The following CRACDL variants were observed in gnomAD, a reference collection of about 807,000 sequenced individuals.
CRACDL encodes CRACD-like protein.
A neutral mutation model predicts 70.6 loss-of-function variants in CRACDL; 26 were observed. The observed-to-expected ratio is 0.37, with a 90% confidence interval of 0.27 to 0.51. The LOEUF is 0.51. CRACDL is among the 20% of genes least tolerant of loss of function. CRACDL has a pLI of 0.94. For synonymous variants in CRACDL, 618 were observed against 615.2 expected, an observed-to-expected ratio of 1.00 and a Z score of -0.07; for missense variants, 1,283 against 1,376.9, an observed-to-expected ratio of 0.93 and a Z score of 1.08.
intron 1 of CRACDL, among the ~76,000 whole-genome samples, chr2:98,931,790 T>G (rs1709085928): frequency 6.6e-6 from 1 of 152,204 alleles, no homozygotes; most frequent in East Asian, 1.9e-4. Context: ...GAAAAGCTGG[T>G]GGCTGACGCT....
Position 98,854,408 on chromosome 2 carries a change from C to A in CRACDL, c.-10-7598G>T, listed in dbSNP as rs1370992496. 2.0e-5 allele frequency among the ~76,000 whole-genome samples: 3 copies of A among 150,564 alleles called. No individual in the cohort carries two copies. In the East Asian group the frequency reaches 5.9e-4, roughly 29 times the overall value. ...AAATCATCAGAACCTATCTACTTGA[C>A]CTTGAGATAAGCAAAGATGTCTTAC... is the stretch of plus-strand genomic sequence containing the variant. On this transcript the variant is annotated intron_variant, in intron 1 of 9. Coordinates refer to ENST00000397899, the MANE Select transcript of CRACDL (RefSeq NM_207362.3).
chr2:98,820,396 G>T (rs1159833214), intron 7 of CRACDL, among the ~76,000 whole-genome samples: 2 of 151,826 alleles, frequency 1.3e-5, no homozygotes, highest in Non-Finnish European at 2.9e-5. Context: ...GCCGGGTGTA[G>T]TATCGTGTGT....
intron 1 of CRACDL, among the ~76,000 whole-genome samples, chr2:98,884,083 C>G (rs1251289971): frequency 1.3e-5 from 2 of 152,168 alleles, no homozygotes; most frequent in African/African-American, 4.8e-5. Context: ...CCCACAGGTG[C>G]CCCACCCACC....
At chr2:98,818,409 G>A (rs2280142) in intron 7 of CRACDL, among the ~76,000 whole-genome samples, 52,145 of 152,036 alleles carry the variant, frequency 0.34, 9,318 homozygotes, top group African/African-American at 0.43. Flanking sequence ...TGGAAGAGAG[G>A]AGGAGGAATA....
chr2:98,860,126 A>G (rs1460368958), intron 1 of CRACDL, among the ~76,000 whole-genome samples: 2 of 152,180 alleles, frequency 1.3e-5, no homozygotes, highest in African/African-American at 4.8e-5. Context: ...ACTGAAAATA[A>G]CAACGTTGAA....
chr2:98,823,241 G>T lies in CRACDL; in HGVS notation c.1032C>A (p.Pro344=). Residue 344 remains proline, a synonymous_variant, in exon 7 of 10, where the codon CCC becomes CCA. Transcript: ENST00000397899. This position sits in a 1 kb window ranked among gnomAD's most constrained non-coding sequence, Gnocchi z 4.0. The stretch of plus-strand genomic sequence containing the variant: ...CCACGCGGAGAGTGGGGGCCGACTC[G>T]GGCTCGGCGAGCTCCGGGGTGGCCG... The part of the protein sequence containing the change: ...SRPATPELAE[P]ESAPTLRVEP... 7.1e-7 allele frequency: 1 copy of T among 1,403,452 alleles called. No homozygotes were observed. The highest frequency in any genetic ancestry group is 9.2e-7 in the Non-Finnish European group (1 of 1,086,158). The allele number at this position is 1,403,452 out of a possible 1,614,324, so 86.9% of individuals were successfully genotyped here.
chr2:98,873,816 G>A (rs185493755), intron 1 of CRACDL, among the ~76,000 whole-genome samples: 61 of 152,292 alleles, frequency 4.0e-4, no homozygotes, highest in African/African-American at 1.4e-3. Context: ...GACCAGCCTG[G>A]CCAACATGGA....
chr2:98,881,280 C>T (rs72813016), intron 1 of CRACDL, among the ~76,000 whole-genome samples: 5,494 of 152,318 alleles, frequency 0.036, 131 homozygotes, highest in Middle Eastern at 0.065. Context: ...TGGGGCCCAG[C>T]GGCCTCAGCC....
chr2:98,827,445 C>T (rs546017384), intron 5 of CRACDL, among the ~76,000 whole-genome samples: 5 of 152,308 alleles, frequency 3.3e-5, no homozygotes, highest in Admixed American at 3.3e-4. Flanking sequence ...GCACCTGCCA[C>T]CACACCCAGC....
intron 1 of CRACDL, among the ~76,000 whole-genome samples, chr2:98,891,062 T>TAAAA (rs1293096577): frequency 6.7e-6 from 1 of 148,840 alleles, no homozygotes; most frequent in African/African-American, 2.5e-5. Flanking sequence ...CAAAAATAAA[T>TAAAA]AAATAAATAA....
chr2:98,914,658 G>A (rs1221700106), intron 1 of CRACDL, among the ~76,000 whole-genome samples: 1 of 152,170 alleles, frequency 6.6e-6, no homozygotes, highest in East Asian at 1.9e-4. Context: ...TGGGGAGCCG[G>A]CTGGCGACCT....
At chr2:98,876,300 A>G (rs913977480) in intron 1 of CRACDL, among the ~76,000 whole-genome samples, 1 of 152,200 alleles carries the variant, frequency 6.6e-6, no homozygotes. Context: ...ATTTTAAGTT[A>G]AAAAGAGTTT....
chr2:98,911,118 C>T (rs752675905), intron 1 of CRACDL, among the ~76,000 whole-genome samples: 7 of 152,204 alleles, frequency 4.6e-5, no homozygotes, highest in African/African-American at 2.4e-5. Flanking sequence ...GAGACCCCCA[C>T]GCCCGTGCTC....
At chr2:98,893,513 T>C (rs1047563752) in intron 1 of CRACDL, among the ~76,000 whole-genome samples, 1 of 152,156 alleles carries the variant, frequency 6.6e-6, no homozygotes, top group Non-Finnish European at 1.5e-5. Flanking sequence ...CTCGATCTCC[T>C]GACCTCGTGA....
Position 98,822,033 on chromosome 2 carries a change from T to G in CRACDL, c.2240A>C (p.Lys747Thr). ...RGTRAPSDQG[K>T]GKARPPEPLS... ...CGGCTCGGGGGGCCGGGCCTTCCCC[T>G]TTCCTTGGTCGCTGGGGGCCCTGGT... The change falls in exon 7 of 10, where the codon AAG (lysine) becomes ACG (threonine). Residue 747 changes from lysine to threonine, a missense_variant. Around this residue, in one of 2 missense-constraint regions of CRACDL, gnomAD observed 921 missense variants for 881.9 expected, o/e 1.04. Transcript: ENST00000397899. The surrounding 1 kb of genome is among the most constrained non-coding windows in gnomAD (Gnocchi z 4.9). 1 of 1,543,470 alleles carries G rather than the reference T, an allele frequency of 6.5e-7. No homozygotes were observed.
chr2:98,932,095 G>C (rs757408263), intron 1 of CRACDL, among the ~76,000 whole-genome samples: 2 of 152,282 alleles, frequency 1.3e-5, no homozygotes, highest in South Asian at 2.1e-4. Flanking sequence ...CGTTCAGTTT[G>C]GGGAAAACAG....
intron 9 of CRACDL, among the ~76,000 whole-genome samples, chr2:98,795,240 G>A (rs4851160): frequency 2.0e-5 from 3 of 150,702 alleles, no homozygotes; most frequent in Admixed American, 1.3e-4. Context: ...CATGCCTGTC[G>A]AATTTTTGTA....
chr2:98,864,989 G>A (rs188277351), intron 1 of CRACDL, among the ~76,000 whole-genome samples: 10 of 152,366 alleles, frequency 6.6e-5, no homozygotes, highest in Admixed American at 5.2e-4. Flanking sequence ...TGAAACAACT[G>A]TTACAGGAAG....
At chr2:98,890,520 A>G (rs994120032) in intron 1 of CRACDL, among the ~76,000 whole-genome samples, 1 of 152,260 alleles carries the variant, frequency 6.6e-6, no homozygotes, top group Non-Finnish European at 1.5e-5. Context: ...TCCCGCAAAG[A>G]AAAGCCAAGG....
Sources: gnomAD v4.1 joint callset for allele counts (sites outside exome capture counted in the v4.1 genomes callset) on GRCh38, gnomAD v4.1.1 for gene constraint, gnomAD v4.1.1 regional missense constraint, Gnocchi (gnomAD v3.1) non-coding constraint, MANE v1.5 for transcripts, NCBI Gene and HGNC (gene_info 2026-07-23, HGNC 2026-07-21) for gene names.